Variants in GYPC observed in about 807,000 individuals in gnomAD.
GYPC encodes the protein glycophorin C (Gerbich blood group).
In GYPC, 14 loss-of-function variants were observed where a neutral mutation model predicts 12.6. The observed-to-expected ratio is 1.11, with a 90% CI of 0.74 to 1.74. The LOEUF is 1.74. Among genes scored for constraint, GYPC ranks in the 40% most tolerant of loss-of-function variants. The pLI is 0.00. For missense variants in GYPC, 225 were observed against 172.1 expected, an observed-to-expected ratio of 1.31 and a Z score of -1.72; for synonymous variants, 78 against 62.1, an observed-to-expected ratio of 1.26 and a Z score of -1.20.
chr2:126,684,927 C>T (rs567024738), intron 1 of GYPC, among the ~76,000 whole-genome samples: 21 of 152,232 alleles, frequency 1.4e-4, no homozygotes, highest in South Asian at 8.3e-4. Context: ...CAGGGGGACG[C>T]GCACCATATT....
intron 1 of GYPC, among the ~76,000 whole-genome samples, chr2:126,670,020 G>T (rs185156032): frequency 1.1e-4 from 16 of 152,312 alleles, no homozygotes; most frequent in Admixed American, 7.8e-4. Context: ...AGGATGAAAG[G>T]CTGGCCTCTC....
At chr2:126,657,017 G>C (rs13008888) in intron 1 of GYPC, among the ~76,000 whole-genome samples, 84,117 of 152,088 alleles carry the variant, frequency 0.55, 24,013 homozygotes, top group Middle Eastern at 0.66. Flanking sequence ...ACCAAAAAAC[G>C]TAATGTACAT....
chr2:126,693,636 T>C (rs989375792), intron 2 of GYPC, among the ~76,000 whole-genome samples: 2 of 152,148 alleles, frequency 1.3e-5, no homozygotes, highest in African/African-American at 4.8e-5. Context: ...TGGAGTGACC[T>C]GGTGGTTCAG....
chr2:126,687,170 G>A lies in GYPC; in HGVS notation c.50-3085G>A, dbSNP rs191586432. Among the ~76,000 whole-genome samples, 146 of 152,310 alleles carry A rather than the reference G, an allele frequency of 9.6e-4. 2 individuals are homozygous for A. The highest frequency in any genetic ancestry group is 3.3e-3 in the African/African-American group (136 of 41,568). ...GACACTGGGGAGAAAGCTGAGAAGT[G>A]GGGAGAGCTGCCTTAGATGCTGAGC... On this transcript the variant is annotated intron_variant, in intron 1 of 3. Transcript: ENST00000259254.
At position 126,696,270 on chromosome 2, in the gene GYPC, C is replaced by T. The variant is rs1423919585; in HGVS notation, c.*128C>T. The T allele has an allele frequency of 6.4e-6, 5 of 775,520 alleles. No homozygotes were observed. Among genetic ancestry groups the T allele is most frequent in the Non-Finnish European group, 9.0e-6 (4 of 446,826 alleles). 48.0% of individuals were successfully genotyped at this position (775,520 alleles called of 1,614,324 possible). On this transcript the variant is annotated 3_prime_UTR_variant, in exon 4 of 4. Transcript: ENST00000259254. ...GAGCACTTGATTCTTCCCGAGATAG[C>T]CACCTGGAAACACTAGGTGCCTGCC...
At chr2:126,680,095 A>G (rs1358181897) in intron 1 of GYPC, 1 of 152,068 alleles carries the variant, frequency 6.6e-6, no homozygotes, top group Non-Finnish European at 1.5e-5. Context: ...TACATGCACA[A>G]CTCCAGTGGG....
chr2:126,685,552 T>G (rs1573573571), intron 1 of GYPC, among the ~76,000 whole-genome samples: 2 of 152,210 alleles, frequency 1.3e-5, no homozygotes, highest in South Asian at 2.1e-4. Context: ...GCCCAACTAA[T>G]TTTTGTATTT....
chr2:126,667,681 G>A (rs1682723966), intron 1 of GYPC, among the ~76,000 whole-genome samples: 1 of 152,200 alleles, frequency 6.6e-6, no homozygotes, highest in Non-Finnish European at 1.5e-5. Flanking sequence ...GGGATTACAG[G>A]CATGAGCCAC....
At chr2:126,690,518 C>A (rs35850561) in intron 2 of GYPC, among the ~76,000 whole-genome samples, 5 of 152,204 alleles carry the variant, frequency 3.3e-5, no homozygotes, top group African/African-American at 9.6e-5. Flanking sequence ...GAGGAGTCTA[C>A]CCCTGGGTAA....
Position 126,696,148 on chromosome 2 carries a change from A to G in GYPC, c.*6A>G, listed in dbSNP as rs746998399. 144 of 1,607,748 alleles carry G rather than the reference A, an allele frequency of 9.0e-5. No homozygotes were observed. The highest frequency in any genetic ancestry group is 5.8e-4 in the East Asian group (26 of 44,830). Reference sequence around the variant, plus strand: ...GAAAGGAGTACTTTATTTGAGGGACAACAGACTTCACTTCCCTGAATGCCT... The same window carrying G: ...GAAAGGAGTACTTTATTTGAGGGACGACAGACTTCACTTCCCTGAATGCCT... On this transcript the variant is annotated 3_prime_UTR_variant, in exon 4 of 4. Transcript: ENST00000259254.
chr2:126,661,470 G>C (rs912029350), intron 1 of GYPC, among the ~76,000 whole-genome samples: 1 of 118,600 alleles, frequency 8.4e-6, no homozygotes, highest in African/African-American at 3.2e-5. Flanking sequence ...TTTTTTTTTT[G>C]ATACGGAGTT....
intron 3 of GYPC, 141 bp from the exon 4 acceptor site, chr2:126,695,805 G>T: frequency 1.4e-6 from 1 of 735,250 alleles, no homozygotes; most frequent in South Asian, 1.4e-5. Flanking sequence ...CAGGAACCTG[G>T]CTCCCATCAT....
intron 1 of GYPC, among the ~76,000 whole-genome samples, chr2:126,656,895 G>A (rs562731808): frequency 2.0e-5 from 3 of 152,334 alleles, no homozygotes; most frequent in Non-Finnish European, 4.4e-5. Flanking sequence ...CTTGCTGAGA[G>A]GAAATCATCT....
intron 1 of GYPC, among the ~76,000 whole-genome samples, chr2:126,667,960 C>A (rs1682732761): frequency 6.6e-6 from 1 of 152,176 alleles, no homozygotes; most frequent in Non-Finnish European, 1.5e-5. Context: ...AAGGGGAGAT[C>A]CAGGAGCATC....
intron 1 of GYPC, among the ~76,000 whole-genome samples, chr2:126,665,605 G>A (rs1682657490): frequency 6.6e-6 from 1 of 152,166 alleles, no homozygotes; most frequent in African/African-American, 2.4e-5. Context: ...CCAGAAGGGA[G>A]CCCTGGAGAC....
At chr2:126,689,984 T>A (rs1683406899) in intron 1 of GYPC, among the ~76,000 whole-genome samples, 1 of 152,200 alleles carries the variant, frequency 6.6e-6, no homozygotes, top group Non-Finnish European at 1.5e-5. Context: ...CCACTCTCAG[T>A]GGAGGCATAC....
At position 126,690,323 on chromosome 2, in the gene GYPC, T is replaced by A. The variant is rs761259103; in HGVS notation, c.106+12T>A. On this transcript the variant is annotated intron_variant, in intron 2 of 3. Transcript: ENST00000259254. ...TACCACCATTGCAGGTGAGTTCTCA[T>A]CACAGAGCCTCACCATAATGGAAAC... 3 of 1,586,966 alleles carry A rather than the reference T, an allele frequency of 1.9e-6. No individual in the cohort carries two copies. The highest frequency in any genetic ancestry group is 2.2e-5 in the South Asian group (2 of 90,540).
intron 1 of GYPC, among the ~76,000 whole-genome samples, chr2:126,663,317 T>C (rs977995347): frequency 1.3e-5 from 2 of 152,204 alleles, no homozygotes; most frequent in East Asian, 3.9e-4. Context: ...ATTATAGGCA[T>C]GAGCCACCAC....
rs1683642963 is a variant in GYPC, at chr2:126,696,277, G to A, written c.*135G>A. 2.7e-6 allele frequency: 2 copies of A among 744,358 alleles called. No homozygotes were observed. Among genetic ancestry groups the A allele is most frequent in the South Asian group, 3.0e-5 (2 of 66,406 alleles). 46.1% of individuals were successfully genotyped at this position (744,358 alleles called of 1,614,324 possible). On this transcript the variant is annotated 3_prime_UTR_variant, in exon 4 of 4. Transcript: ENST00000259254. The stretch of plus-strand genomic sequence containing the variant: ...TGATTCTTCCCGAGATAGCCACCTG[G>A]AAACACTAGGTGCCTGCCCAGGGAG...
Sources: allele counts gnomAD v4.1 joint callset (sites outside exome capture counted in the v4.1 genomes callset), GRCh38; gene constraint gnomAD v4.1.1; transcripts MANE v1.5; gene names NCBI Gene and HGNC (gene_info 2026-07-23, HGNC 2026-07-21).